Variants in SF3B6 observed in about 807,000 individuals in gnomAD.
SF3B6 encodes the protein SF3b 14 kDa subunit.
SF3B6 carries 3 observed loss-of-function variants against 15.9 expected under a neutral mutation model. The observed-to-expected ratio is 0.19, with a 90% CI of 0.09 to 0.49. The LOEUF (loss-of-function observed/expected upper bound fraction) is 0.49, where lower values mean the gene tolerates loss of function less well. SF3B6 is among the 20% of genes least tolerant of loss of function. The pLI is 0.97. For synonymous variants in SF3B6, 49 were observed against 51.1 expected (o/e 0.96, Z 0.18); for missense variants, 71 against 154.3 (o/e 0.46, Z 2.86).
At chr2:24,069,257 G>A (rs1459176698) in intron 2 of SF3B6, among the ~76,000 whole-genome samples, 1 of 152,244 alleles carries the variant, frequency 6.6e-6, no homozygotes, top group African/African-American at 2.4e-5. Context: ...TGTGGATAGG[G>A]TTATCAGTGA....
At chr2:24,070,223 T>C (rs916351106) in intron 2 of SF3B6, among the ~76,000 whole-genome samples, 2 of 152,334 alleles carry the variant, frequency 1.3e-5, no homozygotes, top group African/African-American at 4.8e-5. Flanking sequence ...CTACCACGTA[T>C]TGGACACTGA....
Position 24,067,624 on chromosome 2 carries a change from C to T in SF3B6, c.*138G>A, listed in dbSNP as rs1357911780. On this transcript the variant is annotated 3_prime_UTR_variant, in exon 4 of 4. Transcript: ENST00000233468. ...TACAAGTTTATTAACATAATGTATTCCAATATGTATCAAAGTTTCAAGCAG... is the reference window on the plus strand; with the variant it reads ...TACAAGTTTATTAACATAATGTATTTCAATATGTATCAAAGTTTCAAGCAG... 1 of 660,312 alleles carries T rather than the reference C, an allele frequency of 1.5e-6. No homozygotes were observed. The highest frequency in any genetic ancestry group is 2.6e-6 in the Non-Finnish European group (1 of 384,956). The allele number at this position is 660,312 out of a possible 1,614,324, so 40.9% of individuals were successfully genotyped here. A position where few individuals can be genotyped will look rare whatever the true frequency, so the allele number is the denominator to read the frequency against.
At chr2:24,069,839 C>G (rs535671650) in intron 2 of SF3B6, among the ~76,000 whole-genome samples, 1 of 152,278 alleles carries the variant, frequency 6.6e-6, no homozygotes, top group South Asian at 2.1e-4. Context: ...TCTGGCAAGT[C>G]TTAACAACTT....
chr2:24,067,909 T>A (rs752171846), intron 3 of SF3B6, 58 bp from the exon 4 acceptor site: 39 of 1,432,342 alleles, frequency 2.7e-5, no homozygotes, highest in Non-Finnish European at 3.7e-5. Context: ...ATGAATTTCA[T>A]CAATAGCATT....
intron 3 of SF3B6, 101 bp from the exon 4 acceptor site, chr2:24,067,952 C>T: frequency 1.1e-6 from 1 of 928,378 alleles, no homozygotes; most frequent in South Asian, 1.4e-5. Context: ...AGACATATAT[C>T]ATCACAGTAC....
chr2:24,072,742 G>A (rs1664677209), intron 2 of SF3B6, among the ~76,000 whole-genome samples: 2 of 152,168 alleles, frequency 1.3e-5, no homozygotes, highest in Admixed American at 1.3e-4. Flanking sequence ...CCACCACCCA[G>A]ATTATCTCAT....
intron 3 of SF3B6, 98 bp from the exon 4 acceptor site, chr2:24,067,949 T>C: frequency 1.0e-6 from 1 of 970,628 alleles, no homozygotes; most frequent in South Asian, 1.3e-5. Context: ...AGTAGACATA[T>C]ATCATCACAG....
intron 3 of SF3B6, among the ~76,000 whole-genome samples, chr2:24,068,112 C>T (rs760547875): frequency 9.2e-5 from 14 of 152,100 alleles, no homozygotes; most frequent in South Asian, 2.1e-4. Context: ...TACAGGCGCC[C>T]GCCACCACGC....
At chr2:24,073,120 G>A (rs1212788587) in intron 2 of SF3B6, among the ~76,000 whole-genome samples, 1 of 152,158 alleles carries the variant, frequency 6.6e-6, no homozygotes, top group Non-Finnish European at 1.5e-5. Context: ...ACTCTCTGGA[G>A]GGACAGTGTC....
At chr2:24,068,850 T>A (rs1381652750) in intron 2 of SF3B6, among the ~76,000 whole-genome samples, 1 of 152,186 alleles carries the variant, frequency 6.6e-6, no homozygotes, top group East Asian at 1.9e-4. Context: ...TTTTTGTTTT[T>A]GTTTTTGTTT....
intron 3 of SF3B6, 80 bp from the exon 4 acceptor site, chr2:24,067,931 AAAGTC>A: frequency 8.6e-7 from 1 of 1,167,680 alleles, no homozygotes; most frequent in African/African-American, 1.5e-5. Context: ...GCCAAAAAAG[AAAGTC>A]ATAGTAGACA....
intron 1 of SF3B6, among the ~76,000 whole-genome samples, chr2:24,075,351 T>G (rs61285757): frequency 0.13 from 15,707 of 124,590 alleles, 1,098 homozygotes; most frequent in South Asian, 0.17. Flanking sequence ...CTTTCTTTCT[T>G]TCTTTCTGTT....
At chr2:24,074,808 T>C (rs2150979098) in intron 1 of SF3B6, among the ~76,000 whole-genome samples, 1 of 152,322 alleles carries the variant, frequency 6.6e-6, no homozygotes, top group South Asian at 2.1e-4. Context: ...GGCATAAAGA[T>C]ACACCTATAT....
intron 1 of SF3B6, among the ~76,000 whole-genome samples, chr2:24,075,181 A>T (rs1176144871): frequency 2.0e-5 from 3 of 151,878 alleles, no homozygotes; most frequent in African/African-American, 7.3e-5. Context: ...TTAAATGAGA[A>T]CTCATGGACA....
chr2:24,071,420 C>T (rs1008112494), intron 2 of SF3B6, among the ~76,000 whole-genome samples: 3 of 151,344 alleles, frequency 2.0e-5, no homozygotes, highest in African/African-American at 4.8e-5. Context: ...GCCTGGCCAA[C>T]GTGGTGAAAC....
intron 3 of SF3B6, 136 bp from the exon 4 acceptor site, chr2:24,067,987 C>T (rs1664587270): frequency 1.8e-5 from 14 of 771,846 alleles, no homozygotes; most frequent in Middle Eastern, 3.6e-4. Context: ...TCTCTTGAGA[C>T]GGAGTCTCTC....
At chr2:24,071,987 TC>T (rs1170100980) in intron 2 of SF3B6, among the ~76,000 whole-genome samples, 3 of 152,192 alleles carry the variant, frequency 2.0e-5, no homozygotes, top group Non-Finnish European at 4.4e-5. Context: ...TCTTCTATTT[TC>T]TTTTCTTTTG....
At chr2:24,070,181 T>C (rs1485664825) in intron 2 of SF3B6, among the ~76,000 whole-genome samples, 1 of 152,240 alleles carries the variant, frequency 6.6e-6, no homozygotes, top group Non-Finnish European at 1.5e-5. Flanking sequence ...AGCCATATTA[T>C]AATTTGAACT....
At position 24,068,466 on chromosome 2, in the gene SF3B6, AG is replaced by A. The variant is rs748057147; in HGVS notation, c.150-8del. On this transcript the variant is annotated splice_region_variant and splice_polypyrimidine_tract_variant and intron_variant, in intron 2 of 3. Transcript: ENST00000233468. Reference sequence around the variant, plus strand: ...AGTTTCAGGTGTGTTCCCCCTGGAGAGGTAAGTTAAACTTAATTAAGATATA... The same window carrying A: ...AGTTTCAGGTGTGTTCCCCCTGGAGAGTAAGTTAAACTTAATTAAGATATA... The A allele has an allele frequency of 4.2e-5, 67 of 1,601,150 alleles. No homozygotes were observed. The highest frequency in any genetic ancestry group is 5.1e-5 in the Non-Finnish European group (60 of 1,174,094).
Sources: allele counts gnomAD v4.1 joint callset (sites outside exome capture counted in the v4.1 genomes callset), GRCh38; gene constraint gnomAD v4.1.1; transcripts MANE v1.5; gene names NCBI Gene and HGNC (gene_info 2026-07-23, HGNC 2026-07-21).